The following TEKT2 variants were observed in gnomAD, a reference collection of about 807,000 sequenced individuals.
The protein encoded by TEKT2 is tektin 2, also known as tektin-2.
Under a neutral mutation model 49.8 loss-of-function variants are expected in TEKT2, and 45 were observed. That is an observed-to-expected ratio of 0.90 (90% confidence interval 0.71 to 1.16). The LOEUF is 1.16. Among genes scored for constraint, TEKT2 ranks in the 50% most tolerant of loss-of-function variants. The pLI is 0.00. For synonymous variants in TEKT2, 202 were observed against 224.6 expected, an observed-to-expected ratio of 0.90 and a Z score of 0.90; for missense variants, 523 against 551.4, an observed-to-expected ratio of 0.95 and a Z score of 0.52.
rs759495294 is a variant in TEKT2 at position 36,086,781 on chromosome 1, GTC to G, written c.575_576del (p.Leu192GlnfsTer12). 6.2e-7 allele frequency: 1 copy of G among 1,613,944 alleles called. No homozygotes were observed. The highest frequency in any genetic ancestry group is 1.3e-5 in the African/African-American group (1 of 74,896). On this transcript the variant is annotated frameshift_variant, in exon 5 of 10. Transcript: ENST00000207457. LOFTEE classifies it high-confidence loss of function. The stretch of plus-strand genomic sequence containing the variant: ...GAGACACTAGAGATCGACAGAGGCT[GTC>G]TCTCTCTCAACCTCAGATCCCCAAA...
At chr1:36,085,779 C>T (rs774653707) in intron 3 of TEKT2, 57 bp from the exon 4 acceptor site, 6 of 1,559,802 alleles carry the variant, frequency 3.8e-6, no homozygotes, top group African/African-American at 1.4e-5. Context: ...CTCGGCCTCC[C>T]GAAGTGCTGG....
chr1:36,086,880 TC>T, intron 5 of TEKT2, 33 bp downstream of exon 5: 1 of 1,613,946 alleles, frequency 6.2e-7, no homozygotes, highest in Non-Finnish European at 8.5e-7. Context: ...TCTCTTCTCC[TC>T]CCCTCCCAGG....
In TEKT2 at chr1:36,087,561, C is replaced by A; in HGVS notation, c.978C>A (p.Asn326Lys). 1 of 1,613,826 alleles carries A rather than the reference C, an allele frequency of 6.2e-7. No individual in the cohort carries two copies. The highest frequency in any genetic ancestry group is 8.5e-7 in the Non-Finnish European group (1 of 1,180,016). ...TRLEARTYRPNVELCRDQAQY... is the reference protein window; with the variant it reads ...TRLEARTYRPKVELCRDQAQY... The stretch of plus-strand genomic sequence containing the variant: ...TAGAGGCCAGAACCTACCGGCCCAA[C>A]GTGGAACTCTGCCGGGACCAGGTGA... The change falls in exon 8 of 10, where the codon AAC (asparagine) becomes AAA (lysine). Residue 326 changes from asparagine (N) to lysine (K), a missense_variant. Coordinates refer to ENST00000207457, the MANE Select transcript of TEKT2 (RefSeq NM_014466.3). The surrounding 1 kb of genome is among the most constrained non-coding windows in gnomAD (Gnocchi z 4.9).
In TEKT2 at chr1:36,087,300, C is replaced by A. The variant is rs115386524; in HGVS notation, c.844C>A (p.Gln282Lys). ...GAAAGTGTACAGTGAGCTCAAGTGGCAAGAGAAGAATGTGAGCATCTCCAG... is the reference window on the plus strand; with the variant it reads ...GAAAGTGTACAGTGAGCTCAAGTGGAAAGAGAAGAATGTGAGCATCTCCAG... ...MEKVYSELKWQEKNTLEEIAE... is the reference protein window; with the variant it reads ...MEKVYSELKWKEKNTLEEIAE... The change falls in exon 7 of 10, where the codon CAA becomes AAA. Residue 282 changes from glutamine to lysine, a missense_variant. By Grantham distance (53) the Gln-to-Lys change is moderately conservative. Coordinates refer to ENST00000207457, the MANE Select transcript of TEKT2 (RefSeq NM_014466.3). The surrounding 1 kb of genome is among the most constrained non-coding windows in gnomAD (Gnocchi z 4.9). The A allele has an allele frequency of 1.2e-4, 198 of 1,614,046 alleles. 1 individual carries two copies. In the African/African-American group the frequency reaches 2.5e-3, roughly 20 times the overall value.
rs755599785 is a variant in TEKT2, at chr1:36,085,074, C to G, written c.153C>G (p.Asn51Lys). Residue 51 changes from asparagine to lysine, a missense_variant, in exon 2 of 10, where the codon AAC (asparagine) becomes AAG (lysine). Coordinates refer to ENST00000207457, the MANE Select transcript of TEKT2 (RefSeq NM_014466.3). ...GGGTGCTCCGCAACGAGACCAACAA[C>G]CAGGTTGGGGATGGGAACTCAGCTG... ...EARVLRNETN[N>K]QTIWDEHDNR... 73 of 1,614,094 alleles carry G rather than the reference C, an allele frequency of 4.5e-5. No homozygotes were observed. Among genetic ancestry groups the G allele is most frequent in the Non-Finnish European group, 6.1e-5 (72 of 1,180,050 alleles).
chr1:36,085,097 C>G lies in TEKT2; in HGVS notation c.156+20C>G, dbSNP rs1239882034. The G allele has an allele frequency of 6.2e-7, 1 of 1,614,220 alleles. No individual in the cohort carries two copies. Among genetic ancestry groups the G allele is most frequent in the Non-Finnish European group, 8.5e-7 (1 of 1,180,050 alleles). On this transcript the variant is annotated intron_variant, in intron 2 of 9. Coordinates refer to ENST00000207457, the MANE Select transcript of TEKT2 (RefSeq NM_014466.3). ...AACCAGGTTGGGGATGGGAACTCAG[C>G]TGGGTGGGCAAAGGGATAGCCCCCA...
Position 36,088,176 on chromosome 1 carries a change from AGC to A in TEKT2, c.1284_1285del (p.Glu428AspfsTer25). On this transcript the variant is annotated frameshift_variant, in exon 10 of 10. Transcript: ENST00000207457. LOFTEE classifies it high-confidence loss of function. Reference sequence around the variant, plus strand: ...AGTCCACTCAAAAGCTGCCAGCTGGAGCTGGCCTAGCCTTGGAGGACTGCAGG... The same window carrying A: ...AGTCCACTCAAAAGCTGCCAGCTGGATGGCCTAGCCTTGGAGGACTGCAGG... 5 of 1,583,888 alleles carry A rather than the reference AGC, an allele frequency of 3.2e-6. No homozygotes were observed. The Middle Eastern group carries it at 5.1e-4, about 161-fold the overall frequency.
At chr1:36,086,607 C>T (rs1643378180) in intron 4 of TEKT2, 97 bp from the exon 5 acceptor site, 1 of 1,545,632 alleles carries the variant, frequency 6.5e-7, no homozygotes, top group Non-Finnish European at 8.9e-7. Flanking sequence ...TGGGAAGGGT[C>T]ACCCCAGCCT....
chr1:36,086,349 G>A (rs1643372787), intron 4 of TEKT2, among the ~76,000 whole-genome samples: 2 of 152,192 alleles, frequency 1.3e-5, no homozygotes, highest in African/African-American at 2.4e-5. Flanking sequence ...GCCTTTGTGA[G>A]CGCAGCTACA....
In TEKT2 at chr1:36,087,099, C is replaced by T; in HGVS notation, c.747+54C>T. The T allele has an allele frequency of 6.2e-7, 1 of 1,606,818 alleles. No individual in the cohort carries two copies. The highest frequency in any genetic ancestry group is 8.5e-7 in the Non-Finnish European group (1 of 1,174,954). On this transcript the variant is annotated intron_variant, in intron 6 of 9. Coordinates refer to ENST00000207457, the MANE Select transcript of TEKT2 (RefSeq NM_014466.3). The surrounding 1 kb of genome is among the most constrained non-coding windows in gnomAD (Gnocchi z 4.9). ...GTCCCAGTGTGCGCTCAGCCCTTAT[C>T]TTCTGTTCCCTGCTGTGCATGTGGC...
rs772374856 is a variant in TEKT2 at position 36,087,556 on chromosome 1, C to T, written c.973C>T (p.Pro325Ser). The T allele has an allele frequency of 6.2e-7, 1 of 1,613,828 alleles. No homozygotes were observed. The highest frequency in any genetic ancestry group is 1.1e-5 in the South Asian group (1 of 91,084). ...CCGGCTAGAGGCCAGAACCTACCGG[C>T]CCAACGTGGAACTCTGCCGGGACCA... ...HTRLEARTYR[P>S]NVELCRDQAQ... Residue 325 changes from proline (P) to serine (S), a missense_variant, in exon 8 of 10, where the codon CCC (proline) becomes TCC (serine). By Grantham distance (74) the Pro-to-Ser change is moderately conservative (BLOSUM62 -1). Coordinates refer to ENST00000207457, the MANE Select transcript of TEKT2 (RefSeq NM_014466.3). This position sits in a 1 kb window ranked among gnomAD's most constrained non-coding sequence, Gnocchi z 4.9.
chr1:36,087,745 C>T lies in TEKT2; in HGVS notation c.1017C>T (p.Thr339=), dbSNP rs770651880. The stretch of plus-strand genomic sequence containing the variant: ...GCCTCCAGGCACAGTACGGCCTCAC[C>T]GACGAGGTTCACCAGCTAGAGGCAA... ...LCRDQAQYGL[T]DEVHQLEATI... is the part of the protein sequence containing the mutation. Residue 339 remains threonine (T), a synonymous_variant, in exon 9 of 10, where the codon ACC becomes ACT. Transcript: ENST00000207457. The surrounding 1 kb of genome is among the most constrained non-coding windows in gnomAD (Gnocchi z 4.9). 15 of 1,613,636 alleles carry T rather than the reference C, an allele frequency of 9.3e-6. No individual in the cohort carries two copies. The highest frequency in any genetic ancestry group is 2.7e-5 in the African/African-American group (2 of 74,940).
Position 36,084,833 on chromosome 1 carries a change from C to T in TEKT2, c.-52-37C>T. On this transcript the variant is annotated intron_variant, in intron 1 of 9. Transcript: ENST00000207457. The surrounding 1 kb of genome is among the most constrained non-coding windows in gnomAD (Gnocchi z 4.1). ...GGGGGCGTGTGATCCAGGAGGTCTC[C>T]GGAAAGGTCTCCCGCAGCAGTGTTT... 2.5e-6 allele frequency: 4 copies of T among 1,597,570 alleles called. No individual in the cohort carries two copies. The South Asian group carries it at 4.4e-5, about 18-fold the overall frequency.
Position 36,085,094 on chromosome 1 carries a change from C to A in TEKT2, c.156+17C>A. ...AACAACCAGGTTGGGGATGGGAACT[C>A]AGCTGGGTGGGCAAAGGGATAGCCC... On this transcript the variant is annotated intron_variant, in intron 2 of 9. Coordinates refer to ENST00000207457, the MANE Select transcript of TEKT2 (RefSeq NM_014466.3). The A allele has an allele frequency of 6.2e-7, 1 of 1,614,214 alleles. No individual in the cohort carries two copies. The highest frequency in any genetic ancestry group is 2.2e-5 in the East Asian group (1 of 44,890).
Position 36,086,907 on chromosome 1 carries a change from C to T in TEKT2, c.633-24C>T, listed in dbSNP as rs1163520030. On this transcript the variant is annotated intron_variant, in intron 5 of 9. Transcript: ENST00000207457. The stretch of plus-strand genomic sequence containing the variant: ...CCCTCCCAGGCCACACCCTCATGAC[C>T]CCCATTTTCCCTGCCACCTGCAGCT... 8.1e-6 allele frequency: 13 copies of T among 1,613,810 alleles called. No individual in the cohort carries two copies. In the South Asian group the frequency reaches 1.3e-4, roughly 16 times the overall value.
chr1:36,085,914 G>A lies in TEKT2; in HGVS notation c.361G>A (p.Glu121Lys). The A allele has an allele frequency of 6.2e-7, 1 of 1,614,106 alleles. No individual in the cohort carries two copies. The highest frequency in any genetic ancestry group is 8.5e-7 in the Non-Finnish European group (1 of 1,180,022). The change falls in exon 4 of 10, where the codon GAA becomes AAA. Residue 121 changes from glutamate (E) to lysine (K), a missense_variant. Glu to Lys is a moderately conservative substitution (Grantham distance 56). Coordinates refer to ENST00000207457, the MANE Select transcript of TEKT2 (RefSeq NM_014466.3). ...GGCCATTGAGTGCCTGACCCTGCGGGAAAGCCGGCGAGACATTGATGTGGT... is the reference window on the plus strand; with the variant it reads ...GGCCATTGAGTGCCTGACCCTGCGGAAAAGCCGGCGAGACATTGATGTGGT... Reference protein sequence around the residue: ...DVAIECLTLRESRRDIDVVKD... With the variant: ...DVAIECLTLRKSRRDIDVVKD...
In TEKT2 at chr1:36,085,947, C is replaced by T. The variant is rs1643366089; in HGVS notation, c.394C>T (p.Pro132Ser). 6.2e-7 allele frequency: 1 copy of T among 1,613,580 alleles called. No individual in the cohort carries two copies. The change falls in exon 4 of 10, where the codon CCT becomes TCT. Residue 132 changes from proline to serine, a missense_variant. By Grantham distance (74) the Pro-to-Ser change is moderately conservative (BLOSUM62 -1). Transcript: ENST00000207457. Reference protein sequence around the residue: ...SRRDIDVVKDPVEDELHKEVE... With the variant: ...SRRDIDVVKDSVEDELHKEVE... ...GCGAGACATTGATGTGGTGAAGGAC[C>T]CTGTGGAGGATGAGCTGCATAAAGA...
chr1:36,085,930 T>C lies in TEKT2; in HGVS notation c.377T>C (p.Ile126Thr), dbSNP rs146319916. The change falls in exon 4 of 10, where the codon ATT becomes ACT. Residue 126 changes from isoleucine (I) to threonine (T), a missense_variant. Ile to Thr is a moderately conservative substitution (Grantham distance 89). Coordinates refer to ENST00000207457, the MANE Select transcript of TEKT2 (RefSeq NM_014466.3). Reference sequence around the variant, plus strand: ...ACCCTGCGGGAAAGCCGGCGAGACATTGATGTGGTGAAGGACCCTGTGGAG... The same window carrying C: ...ACCCTGCGGGAAAGCCGGCGAGACACTGATGTGGTGAAGGACCCTGTGGAG... ...CLTLRESRRD[I>T]DVVKDPVEDE... 130 of 1,613,882 alleles carry C rather than the reference T, an allele frequency of 8.1e-5. No individual in the cohort carries two copies. Among genetic ancestry groups the C allele is most frequent in the African/African-American group, 4.0e-4 (30 of 74,994 alleles).
Position 36,087,693 on chromosome 1 carries a change from G to A in TEKT2, c.1000-35G>A. 1 of 1,612,806 alleles carries A rather than the reference G, an allele frequency of 6.2e-7. No individual in the cohort carries two copies. Among genetic ancestry groups the A allele is most frequent in the Non-Finnish European group, 8.5e-7 (1 of 1,179,550 alleles). On this transcript the variant is annotated intron_variant, in intron 8 of 9. Transcript: ENST00000207457. The surrounding 1 kb of genome is among the most constrained non-coding windows in gnomAD (Gnocchi z 4.9). ...GCAGCACTCAGGTAAAGGACAGTGT[G>A]GCTGACTTGGAACTCCCAACCCCTC...
Sources: gnomAD v4.1 joint callset for allele counts (sites outside exome capture counted in the v4.1 genomes callset) on GRCh38, gnomAD v4.1.1 for gene constraint, Gnocchi (gnomAD v3.1) non-coding constraint, MANE v1.5 for transcripts, NCBI Gene and HGNC (gene_info 2026-07-23, HGNC 2026-07-21) for gene names.